Variants in PCDHGA6 observed in about 807,000 individuals in gnomAD.
PCDHGA6 encodes the protein protocadherin gamma-A6.
PCDHGA6 carries 41 observed loss-of-function variants against 60.6 expected under a neutral mutation model. That is an observed-to-expected ratio of 0.68 (90% CI 0.53 to 0.88). The LOEUF is 0.88. PCDHGA6 is among the 40% of genes least tolerant of loss of function. The pLI is 0.00. For missense variants in PCDHGA6, 1,312 were observed against 1,203.0 expected (o/e 1.09, Z -1.34); for synonymous variants, 594 against 524.4 (o/e 1.13, Z -1.81).
intron 2 of PCDHGA6, among the ~76,000 whole-genome samples, chr5:141,496,116 C>G (rs1435887981): frequency 6.6e-6 from 1 of 152,178 alleles, no homozygotes; most frequent in Middle Eastern, 3.4e-3. Flanking sequence ...TCTCTTCCTT[C>G]CCTGCCCCTC....
At position 141,477,862 on chromosome 5, in the gene PCDHGA6, A is replaced by AGGT. The variant is rs753168325; in HGVS notation, c.2425-16944_2425-16942dup. 2.1e-5 allele frequency: 34 copies of AGGT among 1,613,138 alleles called. No individual in the cohort carries two copies. Among genetic ancestry groups the AGGT allele is most frequent in the Non-Finnish European group, 2.5e-5 (29 of 1,179,720 alleles). ...GGAGCTCGGTGGAGATGCTGCCTCG[A>AGGT]GGTACCTCAGCTGGCCACCTAGTGT... is the stretch of plus-strand genomic sequence containing the variant. On this transcript the variant is annotated intron_variant, in intron 1 of 3. Transcript: ENST00000517434. The surrounding 1 kb of genome is among the most constrained non-coding windows in gnomAD (Gnocchi z 4.9).
intron 1 of PCDHGA6, among the ~76,000 whole-genome samples, chr5:141,434,746 C>T (rs1591345130): frequency 6.6e-6 from 1 of 151,796 alleles, no homozygotes; most frequent in South Asian, 2.1e-4. Context: ...GGCTATGAGA[C>T]CCCTGATTCC....
chr5:141,421,455 C>A (rs762490406), intron 1 of PCDHGA6: 1 of 1,614,108 alleles, frequency 6.2e-7, no homozygotes, highest in South Asian at 1.1e-5. Flanking sequence ...CACAGCTTTT[C>A]GCTGTGAATC....
intron 1 of PCDHGA6, chr5:141,394,255 G>A (rs1321065161): frequency 6.2e-7 from 1 of 1,613,934 alleles, no homozygotes; most frequent in South Asian, 1.1e-5. Flanking sequence ...GACCCCGACA[G>A]CCAGGAGAAT....
intron 1 of PCDHGA6, chr5:141,413,462 G>C (rs750915907): frequency 1.9e-6 from 3 of 1,614,120 alleles, no homozygotes; most frequent in Non-Finnish European, 2.5e-6. Flanking sequence ...AGGATAGACC[G>C]GGAGGAGCTC....
In PCDHGA6 at chr5:141,432,921, A is replaced by G; in HGVS notation, c.2424+56414A>G. On this transcript the variant is annotated intron_variant, in intron 1 of 3. Transcript: ENST00000517434. The surrounding 1 kb of genome is among the most constrained non-coding windows in gnomAD (Gnocchi z 6.0). ...GCGCTCAGGCTGCGGCGCTGGCACAAGTCACGCCTGCTGCAGGCTTCAGGA... is the reference window on the plus strand; with the variant it reads ...GCGCTCAGGCTGCGGCGCTGGCACAGGTCACGCCTGCTGCAGGCTTCAGGA... 6.2e-7 allele frequency: 1 copy of G among 1,614,114 alleles called. No individual in the cohort carries two copies. The highest frequency in any genetic ancestry group is 1.7e-4 in the Middle Eastern group (1 of 6,060).
Position 141,491,900 on chromosome 5 carries a change from G to T in PCDHGA6, c.2425-2907G>T. The T allele has an allele frequency of 7.0e-7, 1 of 1,429,936 alleles. No homozygotes were observed. The highest frequency in any genetic ancestry group is 1.5e-5 in the South Asian group (1 of 67,072). 88.6% of individuals were successfully genotyped at this position (1,429,936 alleles called of 1,614,324 possible). A position where few individuals can be genotyped will look rare whatever the true frequency, so the allele number is the denominator to read the frequency against. ...TAAGGGATGGGGCTCCGAGCACCGG[G>T]GGTGGTGGCGACTGTGGGCGAGGGG... On this transcript the variant is annotated intron_variant, in intron 1 of 3. Transcript: ENST00000517434. This position sits in a 1 kb window ranked among gnomAD's most constrained non-coding sequence, Gnocchi z 6.9.
At chr5:141,444,188 T>TTTTTTTTTTG (rs2098424052) in intron 1 of PCDHGA6, among the ~76,000 whole-genome samples, 1 of 129,374 alleles carries the variant, frequency 7.7e-6, no homozygotes, top group African/African-American at 3.1e-5. Flanking sequence ...TTTTTTTTTT[T>TTTTTTTTTTG]GAGATGGAGT....
intron 1 of PCDHGA6, chr5:141,389,274 C>T (rs183257097): frequency 1.2e-6 from 2 of 1,614,032 alleles, no homozygotes; most frequent in Non-Finnish European, 8.5e-7. Flanking sequence ...CGAGAACAAC[C>T]CGCCTGGAGC....
rs758266181 is a variant in PCDHGA6 at position 141,476,561 on chromosome 5, G to A, written c.2425-18246G>A. 1.9e-6 allele frequency: 3 copies of A among 1,614,100 alleles called. No homozygotes were observed. The highest frequency in any genetic ancestry group is 2.5e-6 in the Non-Finnish European group (3 of 1,180,050). Reference sequence around the variant, plus strand: ...GAAATTGGAGATTAGCGAGGCCGTGGCTCCGGGGACGCGCTTTCCGCTCGA... The same window carrying A: ...GAAATTGGAGATTAGCGAGGCCGTGACTCCGGGGACGCGCTTTCCGCTCGA... On this transcript the variant is annotated intron_variant, in intron 1 of 3. Coordinates refer to ENST00000517434, the MANE Select transcript of PCDHGA6 (RefSeq NM_018919.3). This position sits in a 1 kb window ranked among gnomAD's most constrained non-coding sequence, Gnocchi z 7.6.
chr5:141,431,774 G>T lies in PCDHGA6; in HGVS notation c.2424+55267G>T. Reference sequence around the variant, plus strand: ...AGCCAAAGTCCTGATCACTGTTCTGGACGTGAACGACAATGCCCCAGAAGT... The same window carrying T: ...AGCCAAAGTCCTGATCACTGTTCTGTACGTGAACGACAATGCCCCAGAAGT... On this transcript the variant is annotated intron_variant, in intron 1 of 3. Transcript: ENST00000517434. This position sits in a 1 kb window ranked among gnomAD's most constrained non-coding sequence, Gnocchi z 4.8. 5 of 1,614,204 alleles carry T rather than the reference G, an allele frequency of 3.1e-6. No individual in the cohort carries two copies. The highest frequency in any genetic ancestry group is 4.2e-6 in the Non-Finnish European group (5 of 1,180,038).
At position 141,486,238 on chromosome 5, in the gene PCDHGA6, G is replaced by C. The variant is rs1414434705; in HGVS notation, c.2425-8569G>C. 6.2e-7 allele frequency: 1 copy of C among 1,614,058 alleles called. No homozygotes were observed. The highest frequency in any genetic ancestry group is 8.5e-7 in the Non-Finnish European group (1 of 1,180,024). On this transcript the variant is annotated intron_variant, in intron 1 of 3. Coordinates refer to ENST00000517434, the MANE Select transcript of PCDHGA6 (RefSeq NM_018919.3). This position sits in a 1 kb window ranked among gnomAD's most constrained non-coding sequence, Gnocchi z 5.0. ...CCCCTTACATCACAGTGACCTCAGA[G>C]CTTGGAACCCTCCCCGAGAGTGCAG... is the stretch of plus-strand genomic sequence containing the variant.
intron 1 of PCDHGA6, chr5:141,418,035 T>C: frequency 6.2e-7 from 1 of 1,614,000 alleles, no homozygotes; most frequent in Non-Finnish European, 8.5e-7. Context: ...CTTAGTGTCC[T>C]GGATGTGTCG....
chr5:141,421,964 C>T (rs772274014), intron 1 of PCDHGA6: 3 of 1,611,472 alleles, frequency 1.9e-6, no homozygotes, highest in Non-Finnish European at 1.7e-6. Flanking sequence ...TTTACACAGT[C>T]CGTATATCGC....
chr5:141,390,234 G>A (rs1357417854), intron 1 of PCDHGA6: 15 of 1,614,046 alleles, frequency 9.3e-6, no homozygotes, highest in Non-Finnish European at 1.3e-5. Context: ...TGATTCATCT[G>A]GGGCCTTATT....
rs542113846 is a variant in PCDHGA6 at position 141,433,037 on chromosome 5, A to G, written c.2424+56530A>G. ...GACCTATTCCCACGAGGTTTCCCTCACCACGGACTCGCGGAAGAGTCACCT... is the reference window on the plus strand; with the variant it reads ...GACCTATTCCCACGAGGTTTCCCTCGCCACGGACTCGCGGAAGAGTCACCT... On this transcript the variant is annotated intron_variant, in intron 1 of 3. Coordinates refer to ENST00000517434, the MANE Select transcript of PCDHGA6 (RefSeq NM_018919.3). 249 of 1,614,172 alleles carry G rather than the reference A, an allele frequency of 1.5e-4. 6 individuals are homozygous for G. The South Asian group carries it at 2.5e-3, about 16-fold the overall frequency.
chr5:141,459,976 G>A (rs1013971472), intron 1 of PCDHGA6, among the ~76,000 whole-genome samples: 1 of 152,202 alleles, frequency 6.6e-6, no homozygotes, highest in Non-Finnish European at 1.5e-5. Flanking sequence ...TACTCAGGAG[G>A]CTGAGACAGG....
chr5:141,418,533 C>G, intron 1 of PCDHGA6: 1 of 1,614,032 alleles, frequency 6.2e-7, no homozygotes, highest in Non-Finnish European at 8.5e-7. Flanking sequence ...CGAAGCGGTA[C>G]TGCTCAGATA....
Position 141,376,335 on chromosome 5 carries a change from A to G in PCDHGA6, c.2252A>G (p.Gln751Arg), listed in dbSNP as rs754863044. Residue 751 changes from glutamine (Q) to arginine (R), a missense_variant, in exon 1 of 4, where the codon CAG (glutamine) becomes CGG (arginine). Coordinates refer to ENST00000517434, the MANE Select transcript of PCDHGA6 (RefSeq NM_018919.3). ...GTGGAAGGGGTTCGGGCTTTCCTGCAGACCTATTCCCACGAGGTCTCACTC... is the reference window on the plus strand; with the variant it reads ...GTGGAAGGGGTTCGGGCTTTCCTGCGGACCTATTCCCACGAGGTCTCACTC... ...VGVEGVRAFL[Q>R]TYSHEVSLTA... 9 of 1,614,080 alleles carry G rather than the reference A, an allele frequency of 5.6e-6. No individual in the cohort carries two copies. The East Asian group carries it at 6.7e-5, about 12-fold the overall frequency.
Sources: gnomAD v4.1 joint callset for allele counts (sites outside exome capture counted in the v4.1 genomes callset) on GRCh38, gnomAD v4.1.1 for gene constraint, Gnocchi (gnomAD v3.1) non-coding constraint, MANE v1.5 for transcripts, NCBI Gene and HGNC (gene_info 2026-07-23, HGNC 2026-07-21) for gene names.